Variants in LSAMP observed in about 807,000 individuals in gnomAD.
LSAMP encodes limbic system associated membrane protein.
Under a neutral mutation model 38.6 loss-of-function variants are expected in LSAMP, and 7 were observed. The observed-to-expected ratio is 0.18, with a 90% CI of 0.10 to 0.34. The LOEUF (loss-of-function observed/expected upper bound fraction) is 0.34. Ranked by LOEUF, LSAMP falls within the 10% of genes least tolerant of loss-of-function variation. LSAMP has a pLI of 1.00. For missense variants in LSAMP, 313 were observed against 420.0 expected (o/e 0.75, Z 2.23); for synonymous variants, 154 against 166.8 (o/e 0.92, Z 0.59).
chr3:115,927,459 G>C (rs1937516741), intron 3 of LSAMP, among the ~76,000 whole-genome samples: 2 of 152,182 alleles, frequency 1.3e-5, no homozygotes, highest in Non-Finnish European at 2.9e-5. Context: ...ACACACAGCA[G>C]CTTGCTGCCT....
intron 1 of LSAMP, among the ~76,000 whole-genome samples, chr3:116,436,814 C>A (rs561056142): frequency 2.6e-5 from 4 of 152,158 alleles, no homozygotes; most frequent in African/African-American, 9.6e-5. Flanking sequence ...TTTGATCCAG[C>A]AATCCCATTA....
intron 1 of LSAMP, among the ~76,000 whole-genome samples, chr3:116,159,627 G>C (rs551481323): frequency 6.6e-6 from 1 of 152,240 alleles, no homozygotes; most frequent in African/African-American, 2.4e-5. Context: ...GCAAAGAAAA[G>C]GGAACAATTA....
chr3:115,854,284 T>TATTATTATTA (rs369597774), intron 3 of LSAMP, among the ~76,000 whole-genome samples: 119 of 84,994 alleles, frequency 1.4e-3, no homozygotes, highest in Admixed American at 2.9e-3. Context: ...TTATTATTAT[T>TATTATTATTA]TTTTTTTTTT....
chr3:116,128,636 T>C (rs2107498728), intron 1 of LSAMP, among the ~76,000 whole-genome samples: 1 of 152,330 alleles, frequency 6.6e-6, no homozygotes, highest in African/African-American at 2.4e-5. Context: ...GGGATACCCC[T>C]TCAGTATTCC....
At chr3:116,309,281 A>C (rs2047525077) in intron 1 of LSAMP, among the ~76,000 whole-genome samples, 1 of 152,070 alleles carries the variant, frequency 6.6e-6, no homozygotes, top group Non-Finnish European at 1.5e-5. Flanking sequence ...CAGATTACCA[A>C]GTATAATCTG....
At chr3:116,426,321 T>C (rs1296430956) in intron 1 of LSAMP, among the ~76,000 whole-genome samples, 1 of 151,948 alleles carries the variant, frequency 6.6e-6, no homozygotes, top group African/African-American at 2.4e-5. Flanking sequence ...ACCCCATCTC[T>C]ACTAAAAATA....
chr3:116,054,705 A>T (rs1941457555), intron 2 of LSAMP, among the ~76,000 whole-genome samples: 1 of 152,160 alleles, frequency 6.6e-6, no homozygotes, highest in Non-Finnish European at 1.5e-5. Context: ...TAAAAACATA[A>T]TTTTTGCAAA....
At chr3:116,185,406 A>T (rs1479814962) in intron 1 of LSAMP, among the ~76,000 whole-genome samples, 1 of 152,042 alleles carries the variant, frequency 6.6e-6, no homozygotes, top group Non-Finnish European at 1.5e-5. Context: ...TTTTAAGATC[A>T]GGCTCACTGT....
chr3:116,231,671 C>T (rs1396832921), intron 1 of LSAMP, among the ~76,000 whole-genome samples: 5 of 152,136 alleles, frequency 3.3e-5, no homozygotes, highest in Non-Finnish European at 5.9e-5. Flanking sequence ...AAGGCTCTGG[C>T]ACTTGGAGTA....
At chr3:116,326,519 G>A (rs1669794752) in intron 1 of LSAMP, among the ~76,000 whole-genome samples, 1 of 152,056 alleles carries the variant, frequency 6.6e-6, no homozygotes, top group African/African-American at 2.4e-5. Context: ...AAACAGGTGG[G>A]TCAGGGATAG....
chr3:115,855,431 C>G (rs1263243148), intron 3 of LSAMP, among the ~76,000 whole-genome samples: 5 of 152,122 alleles, frequency 3.3e-5, no homozygotes, highest in African/African-American at 1.2e-4. Context: ...TAGAATTTCC[C>G]CTAAACTACC....
chr3:115,903,694 GC>G (rs1936938357), intron 3 of LSAMP, among the ~76,000 whole-genome samples: 1 of 152,012 alleles, frequency 6.6e-6, no homozygotes, highest in African/African-American at 2.4e-5. Context: ...AGGTAAGTTA[GC>G]CTCTGATAAA....
intron 3 of LSAMP, among the ~76,000 whole-genome samples, chr3:115,871,400 C>T (rs1382504549): frequency 1.3e-5 from 2 of 151,984 alleles, no homozygotes; most frequent in Non-Finnish European, 2.9e-5. Context: ...CAGGTGTATT[C>T]CTGGGAAATC....
intron 2 of LSAMP, among the ~76,000 whole-genome samples, chr3:116,026,212 ACAGT>A (rs1434512070): frequency 6.6e-6 from 1 of 152,142 alleles, no homozygotes; most frequent in East Asian, 1.9e-4. Flanking sequence ...AGATCATGAC[ACAGT>A]CAGTCTGGCT....
At chr3:116,185,841 T>C (rs1710601444) in intron 1 of LSAMP, among the ~76,000 whole-genome samples, 1 of 150,428 alleles carries the variant, frequency 6.6e-6, no homozygotes, top group Non-Finnish European at 1.5e-5. Flanking sequence ...TGCTATTACT[T>C]ACTGCTGAAA....
At chr3:116,045,455 G>A (rs1372017410) in intron 2 of LSAMP, among the ~76,000 whole-genome samples, 2 of 148,982 alleles carry the variant, frequency 1.3e-5, no homozygotes, top group African/African-American at 5.0e-5. Context: ...ATATTTTGGA[G>A]AGTCAGCAAA....
At chr3:116,022,526 G>A (rs1393336577) in intron 2 of LSAMP, among the ~76,000 whole-genome samples, 1 of 152,134 alleles carries the variant, frequency 6.6e-6, no homozygotes, top group Non-Finnish European at 1.5e-5. Flanking sequence ...TTTCTCTGAA[G>A]TATTTGGCTC....
At chr3:116,243,828 T>G (rs562798438) in intron 1 of LSAMP, among the ~76,000 whole-genome samples, 2 of 152,358 alleles carry the variant, frequency 1.3e-5, no homozygotes. Context: ...TTTTTTTAAC[T>G]TAAAGCCAGG....
chr3:116,409,296 A>G (rs1028817703), intron 1 of LSAMP, among the ~76,000 whole-genome samples: 1 of 152,090 alleles, frequency 6.6e-6, no homozygotes, highest in Admixed American at 6.6e-5. Flanking sequence ...GACTTCAGTC[A>G]TCTTCCTCTT....
Sources: gnomAD v4.1 joint callset for allele counts (sites outside exome capture counted in the v4.1 genomes callset) on GRCh38, gnomAD v4.1.1 for gene constraint, MANE v1.5 for transcripts, NCBI Gene and HGNC (gene_info 2026-07-23, HGNC 2026-07-21) for gene names.